Variants in ANGPTL3 observed in about 807,000 individuals in gnomAD.
ANGPTL3 encodes the protein angiopoietin like 3, also known as angiopoietin-related protein 3.
Under a neutral mutation model 52.7 loss-of-function variants are expected in ANGPTL3, and 51 were observed. That is an observed-to-expected ratio of 0.97 (90% CI 0.77 to 1.22). ANGPTL3 has a LOEUF of 1.22. Ranked by LOEUF, ANGPTL3 falls within the 50% of genes most tolerant of loss-of-function variation. The pLI, the probability that ANGPTL3 is intolerant of heterozygous loss-of-function variation, is 0.00. For synonymous variants in ANGPTL3, 185 were observed against 179.8 expected (o/e 1.03, Z -0.23); for missense variants, 506 against 520.7 (o/e 0.97, Z 0.27).
At position 62,605,251 on chromosome 1, in the gene ANGPTL3, T is replaced by G; in HGVS notation, c.*434T>G. On this transcript the variant is annotated 3_prime_UTR_variant, in exon 7 of 7. Transcript: ENST00000371129. Reference sequence around the variant, plus strand: ...ATACAGAGGACTGGTAATTGTACAGTTCTTAAATGTTGTAGTATTAATTTC... The same window carrying G: ...ATACAGAGGACTGGTAATTGTACAGGTCTTAAATGTTGTAGTATTAATTTC... The G allele has an allele frequency of 6.3e-6, 1 of 159,912 alleles. No homozygotes were observed. Among genetic ancestry groups the G allele is most frequent in the Non-Finnish European group, 1.4e-5 (1 of 72,666 alleles). 9.9% of individuals were successfully genotyped at this position (159,912 alleles called of 1,614,324 possible).
Position 62,601,132 on chromosome 1 carries a change from GC to G in ANGPTL3, c.659del (p.Pro220GlnfsTer12), listed in dbSNP as rs1650055915. ...EPTEISLSSK[P>X]RAPRTTPFLQ... ...CCACAGAAATTTCTCTATCTTCCAAGCCAAGAGCACCAAGAACTACTCCCTT... is the reference window on the plus strand; with the variant it reads ...CCACAGAAATTTCTCTATCTTCCAAGCAAGAGCACCAAGAACTACTCCCTT... On this transcript the variant is annotated frameshift_variant, in exon 3 of 7. Transcript: ENST00000371129. LOFTEE classifies it high-confidence loss of function. 6.2e-7 allele frequency: 1 copy of G among 1,610,682 alleles called. No homozygotes were observed. The highest frequency in any genetic ancestry group is 1.3e-5 in the African/African-American group (1 of 74,750).
At chr1:62,600,425 C>CA (rs1649938246) in intron 2 of ANGPTL3, among the ~76,000 whole-genome samples, 1 of 151,754 alleles carries the variant, frequency 6.6e-6, no homozygotes, top group Non-Finnish European at 1.5e-5. Context: ...ATGCCAGCAT[C>CA]AAAAAACTAA....
rs1187111665 is a variant in ANGPTL3 at position 62,606,073 on chromosome 1, T to C, written c.*1256T>C. The C allele has an allele frequency of 6.6e-6, 1 of 152,008 alleles. No homozygotes were observed. The highest frequency in any genetic ancestry group is 1.5e-5 in the Non-Finnish European group (1 of 67,956). The allele number at this position is 152,008 out of a possible 1,614,324, so 9.4% of individuals were successfully genotyped here. On this transcript the variant is annotated 3_prime_UTR_variant, in exon 7 of 7. Coordinates refer to ENST00000371129, the MANE Select transcript of ANGPTL3 (RefSeq NM_014495.4). ...TATATATTTTTATATGTCACATATATAAAAGATATGTATGATCTATGTGAA... is the reference window on the plus strand; with the variant it reads ...TATATATTTTTATATGTCACATATACAAAAGATATGTATGATCTATGTGAA...
intron 1 of ANGPTL3, 76 bp from the exon 2 acceptor site, chr1:62,598,620 T>G (rs899811580): frequency 1.3e-4 from 104 of 797,286 alleles, no homozygotes; most frequent in Non-Finnish European, 1.4e-4. Context: ...AAAATTTAGA[T>G]TATGATAGTG....
At chr1:62,602,239 C>A (rs781605325) in intron 4 of ANGPTL3, 46 bp from the exon 5 acceptor site, 1 of 1,448,728 alleles carries the variant, frequency 6.9e-7, no homozygotes, top group South Asian at 1.1e-5. Flanking sequence ...TTACATCTGT[C>A]AACATAAATC....
intron 5 of ANGPTL3, among the ~76,000 whole-genome samples, chr1:62,603,353 A>G (rs1650438223): frequency 6.6e-6 from 1 of 151,828 alleles, no homozygotes; most frequent in Non-Finnish European, 1.5e-5. Context: ...GATTGTGATG[A>G]AGAACAATCT....
In ANGPTL3 at chr1:62,604,450, G is replaced by A. The variant is rs755723014; in HGVS notation, c.1199-183G>A. 20 of 887,312 alleles carry A rather than the reference G, an allele frequency of 2.3e-5. 1 individual carries two copies. The South Asian group carries it at 2.5e-4, about 11-fold the overall frequency. 55.0% of individuals were successfully genotyped at this position (887,312 alleles called of 1,614,324 possible). ...TCCTCAGATTTTCTATTTTTTGGTA[G>A]TGTATAGATTATTTATACAGATTAT... On this transcript the variant is annotated intron_variant, in intron 6 of 6. Transcript: ENST00000371129.
rs575430701 is a variant in ANGPTL3, at chr1:62,605,669, C to T, written c.*852C>T. On this transcript the variant is annotated 3_prime_UTR_variant, in exon 7 of 7. Transcript: ENST00000371129. ...CCCTAAATATGCTGTGATTCTAATACATTCGTGTAGGTTTTCAAGTAGAAA... is the reference window on the plus strand; with the variant it reads ...CCCTAAATATGCTGTGATTCTAATATATTCGTGTAGGTTTTCAAGTAGAAA... The T allele has an allele frequency of 3.3e-5, 5 of 152,452 alleles. No homozygotes were observed. The South Asian group carries it at 1.0e-3, about 32-fold the overall frequency. 9.4% of individuals were successfully genotyped at this position (152,452 alleles called of 1,614,324 possible). A position where few individuals can be genotyped will look rare whatever the true frequency, so the allele number is the denominator to read the frequency against.
chr1:62,601,265 C>G, intron 3 of ANGPTL3, 69 bp downstream of exon 3: 1 of 1,083,740 alleles, frequency 9.2e-7, no homozygotes, highest in Non-Finnish European at 1.4e-6. Flanking sequence ...AGGACTTGTT[C>G]TAGACTAAAA....
chr1:62,600,997 CTG>C (rs1391441910), intron 2 of ANGPTL3, 83 bp from the exon 3 acceptor site: 4 of 809,824 alleles, frequency 4.9e-6, no homozygotes, highest in South Asian at 1.4e-5. Context: ...GAAAGACAAA[CTG>C]TACTTCTGAC....
At position 62,597,634 on chromosome 1, in the gene ANGPTL3, ATTCATCAT is replaced by A. The variant is rs746347553; in HGVS notation, c.71_78del (p.Ser24Ter). On this transcript the variant is annotated frameshift_variant, in exon 1 of 7. Transcript: ENST00000371129. LOFTEE classifies it high-confidence loss of function. ...ATTTCCTCCAGAATTGATCAAGACAATTCATCATTTGATTCTCTATCTCCAGAGCCAAA... is the reference window on the plus strand; with the variant it reads ...ATTTCCTCCAGAATTGATCAAGACAATTGATTCTCTATCTCCAGAGCCAAA... 1 of 1,613,224 alleles carries A rather than the reference ATTCATCAT, an allele frequency of 6.2e-7. No homozygotes were observed. The highest frequency in any genetic ancestry group is 8.5e-7 in the Non-Finnish European group (1 of 1,179,486).
chr1:62,599,954 A>G lies in ANGPTL3; in HGVS notation c.607-1128A>G, dbSNP rs139469184. On this transcript the variant is annotated intron_variant, in intron 2 of 6. Transcript: ENST00000371129. ...AAGAGGATTCAAAAAACATAATATA[A>G]ACTCAGAGAAACTGGTAAACAAAAT... Among the ~76,000 whole-genome samples, 18 of 152,092 alleles carry G rather than the reference A, an allele frequency of 1.2e-4. No homozygotes were observed. In the East Asian group the frequency reaches 3.5e-3, roughly 29 times the overall value.
Position 62,604,994 on chromosome 1 carries a change from T to C in ANGPTL3, c.*177T>C. ...ATCACATAACCTTAAAGAATACCGT[T>C]TACATTTCTCAATCAAAATTCTTAT... On this transcript the variant is annotated 3_prime_UTR_variant, in exon 7 of 7. Transcript: ENST00000371129. The C allele has an allele frequency of 3.2e-6, 2 of 626,840 alleles. No homozygotes were observed. The highest frequency in any genetic ancestry group is 2.3e-5 in the South Asian group (1 of 44,306). 38.8% of individuals were successfully genotyped at this position (626,840 alleles called of 1,614,324 possible).
At position 62,604,130 on chromosome 1, in the gene ANGPTL3, A is replaced by G; in HGVS notation, c.1093A>G (p.Ile365Val). ...CAACTATACGCTACATCTAGTTGCG[A>G]TTACTGGCAATGTCCCCAATGCAAT... The part of the protein sequence containing the change: ...ETNYTLHLVA[I>V]TGNVPNAIPE... The change falls in exon 6 of 7, where the codon ATT becomes GTT. Residue 365 changes from isoleucine (I) to valine (V), a missense_variant. Ile to Val is a conservative substitution (Grantham distance 29). Coordinates refer to ENST00000371129, the MANE Select transcript of ANGPTL3 (RefSeq NM_014495.4). 3 of 1,613,430 alleles carry G rather than the reference A, an allele frequency of 1.9e-6. No individual in the cohort carries two copies. The highest frequency in any genetic ancestry group is 2.5e-6 in the Non-Finnish European group (3 of 1,179,522).
Position 62,604,707 on chromosome 1 carries a change from A to G in ANGPTL3, c.1273A>G (p.Lys425Glu), listed in dbSNP as rs1571736476. ...ATATAACAAACCAAGAGCAAAATCT[A>G]AGCCAGAGAGGAGAAGAGGATTATC... ...GKYNKPRAKS[K>E]PERRRGLSWK... Residue 425 changes from lysine to glutamate, a missense_variant, in exon 7 of 7, where the codon AAG (lysine) becomes GAG (glutamate). Coordinates refer to ENST00000371129, the MANE Select transcript of ANGPTL3 (RefSeq NM_014495.4). 6.2e-7 allele frequency: 1 copy of G among 1,613,324 alleles called. No homozygotes were observed. The highest frequency in any genetic ancestry group is 1.3e-5 in the African/African-American group (1 of 75,014).
rs765671478 is a variant in ANGPTL3, at chr1:62,598,052, T to C, written c.486T>C (p.Thr162=). ...QPETPEHPEV[T]SLKTFVEKQD... The stretch of plus-strand genomic sequence containing the variant: ...AAACTCCAGAACACCCAGAAGTAAC[T>C]TCACTTAAAGTAAGTAGAAAATAAA... Residue 162 remains threonine, a synonymous_variant, in exon 1 of 7, where the codon ACT becomes ACC. Coordinates refer to ENST00000371129, the MANE Select transcript of ANGPTL3 (RefSeq NM_014495.4). 3.2e-6 allele frequency: 5 copies of C among 1,583,740 alleles called. No homozygotes were observed. The highest frequency in any genetic ancestry group is 2.6e-6 in the Non-Finnish European group (3 of 1,171,094).
rs1650906206 is a variant in ANGPTL3 at position 62,605,813 on chromosome 1, G to C, written c.*996G>C. On this transcript the variant is annotated 3_prime_UTR_variant, in exon 7 of 7. Transcript: ENST00000371129. Reference sequence around the variant, plus strand: ...ATAGAAATTTAAATTATTCTTGCATGTTTATCGACATCACAACAGATCCCT... The same window carrying C: ...ATAGAAATTTAAATTATTCTTGCATCTTTATCGACATCACAACAGATCCCT... 1 of 151,980 alleles carries C rather than the reference G, an allele frequency of 6.6e-6. No individual in the cohort carries two copies. Among genetic ancestry groups the C allele is most frequent in the African/African-American group, 2.4e-5 (1 of 41,388 alleles). The allele number at this position is 151,980 out of a possible 1,614,324, so 9.4% of individuals were successfully genotyped here. A position where few individuals can be genotyped will look rare whatever the true frequency, so the allele number is the denominator to read the frequency against.
chr1:62,603,861 C>A, intron 5 of ANGPTL3, 108 bp from the exon 6 acceptor site: 1 of 1,049,636 alleles, frequency 9.5e-7, no homozygotes, highest in Non-Finnish European at 1.4e-6. Context: ...TCAAGGGATT[C>A]AAGACTAAAC....
At chr1:62,598,246 A>C (rs1284124838) in intron 1 of ANGPTL3, among the ~76,000 whole-genome samples, 185 bp downstream of exon 1, 3 of 152,010 alleles carry the variant, frequency 2.0e-5, no homozygotes, top group African/African-American at 7.2e-5. Flanking sequence ...TTGTTTCCCT[A>C]ATGTTATATA....
Sources: allele counts gnomAD v4.1 joint callset (sites outside exome capture counted in the v4.1 genomes callset), GRCh38; gene constraint gnomAD v4.1.1; transcripts MANE v1.5; gene names NCBI Gene and HGNC (gene_info 2026-07-23, HGNC 2026-07-21).